PTBP2: variants seen among roughly 807,000 people sequenced by gnomAD.
The protein encoded by PTBP2 is polypyrimidine tract binding protein 2.
PTBP2 carries 13 observed loss-of-function variants against 61.4 expected under a neutral mutation model. The observed-to-expected ratio is 0.21, with a 90% confidence interval of 0.14 to 0.34. The LOEUF (loss-of-function observed/expected upper bound fraction) is 0.34. Among genes scored for constraint, PTBP2 ranks in the 10% least tolerant of loss-of-function variants. The pLI, the probability that PTBP2 is intolerant of heterozygous loss-of-function variation, is 1.00. For missense variants in PTBP2, 405 were observed against 642.6 expected (o/e 0.63, Z 4.00); for synonymous variants, 215 against 218.5 (o/e 0.98, Z 0.14).
At chr1:96,762,287 C>T (rs1391942129) in intron 3 of PTBP2, among the ~76,000 whole-genome samples, 3 of 149,514 alleles carry the variant, frequency 2.0e-5, no homozygotes, top group Non-Finnish European at 4.4e-5. Flanking sequence ...AGGGGCTCCT[C>T]ACTTCCCAGT....
intron 10 of PTBP2, 47 bp downstream of exon 10, chr1:96,806,499 T>C (rs1295329051): frequency 1.3e-6 from 2 of 1,558,060 alleles, no homozygotes; most frequent in South Asian, 2.2e-5. Flanking sequence ...TTGATTTTTG[T>C]TTCACCTTAA....
chr1:96,821,326 C>G (rs2101322473), exon 14 of PTBP2: 1 of 152,012 alleles, frequency 6.6e-6, no homozygotes, highest in Admixed American at 6.6e-5. Flanking sequence ...CCTCGACTTT[C>G]CATTTTTGTT....
chr1:96,791,296 C>T lies in PTBP2; in HGVS notation c.904+6042C>T, dbSNP rs111359410. 4.1e-3 allele frequency among the ~76,000 whole-genome samples: 619 copies of T among 152,288 alleles called. 6 individuals are homozygous for T. The highest frequency in any genetic ancestry group is 0.014 in the African/African-American group (585 of 41,564). ...TAATAGAGCAATACCCAAATGTTTT[C>T]TTAAAATATATGTAGGTGATGCCTG... On this transcript the variant is annotated intron_variant, in intron 8 of 13. Coordinates refer to ENST00000674951, the MANE Select transcript of PTBP2 (RefSeq NM_021190.4).
At chr1:96,778,331 T>C (rs891459505) in intron 7 of PTBP2, among the ~76,000 whole-genome samples, 2 of 152,038 alleles carry the variant, frequency 1.3e-5, no homozygotes, top group African/African-American at 4.8e-5. Flanking sequence ...CAGATGTGGC[T>C]CAAATGCTAT....
chr1:96,780,536 TCTTA>T (rs1658539963), intron 7 of PTBP2, among the ~76,000 whole-genome samples: 1 of 152,124 alleles, frequency 6.6e-6, no homozygotes, highest in Admixed American at 6.6e-5. Context: ...TTAGTCCTTG[TCTTA>T]CTTAATACCT....
At chr1:96,754,680 A>T (rs1434790285) in intron 3 of PTBP2, among the ~76,000 whole-genome samples, 1 of 152,212 alleles carries the variant, frequency 6.6e-6, no homozygotes, top group African/African-American at 2.4e-5. Flanking sequence ...GAGACAGAGC[A>T]GAGAGTTCAG....
At chr1:96,741,584 A>G (rs1298722836) in intron 2 of PTBP2, among the ~76,000 whole-genome samples, 3 of 150,490 alleles carry the variant, frequency 2.0e-5, no homozygotes, top group Non-Finnish European at 4.5e-5. Context: ...TACATGTCCT[A>G]CAGATAACTC....
intron 8 of PTBP2, among the ~76,000 whole-genome samples, chr1:96,790,350 G>A (rs1002754951): frequency 2.6e-5 from 4 of 151,444 alleles, no homozygotes; most frequent in African/African-American, 9.7e-5. Context: ...CCCACTTTTA[G>A]TGATTTTAAT....
intron 6 of PTBP2, 30 bp from the exon 7 acceptor site, chr1:96,777,806 A>G (rs760023612): frequency 1.3e-6 from 2 of 1,535,538 alleles, no homozygotes; most frequent in South Asian, 1.2e-5. Context: ...ATAGTAAATA[A>G]GTAATGTTTT....
At position 96,814,883 on chromosome 1, in the gene PTBP2, A is replaced by G. The variant is rs992812341; in HGVS notation, c.*1478A>G. On this transcript the variant is annotated 3_prime_UTR_variant, in exon 14 of 14. Transcript: ENST00000674951. ...TCAATAAACACTTCTGTAGCTCTAT[A>G]TTCACCTTTTCTGTCTTTCTCTGCT... The G allele has an allele frequency of 6.6e-6, 1 of 152,414 alleles. No homozygotes were observed. Among genetic ancestry groups the G allele is most frequent in the African/African-American group, 2.4e-5 (1 of 41,386 alleles). 9.4% of individuals were successfully genotyped at this position (152,414 alleles called of 1,614,324 possible). A position where few individuals can be genotyped will look rare whatever the true frequency, so the allele number is the denominator to read the frequency against.
chr1:96,763,512 A>C (rs1266002941), intron 3 of PTBP2, among the ~76,000 whole-genome samples: 1 of 146,062 alleles, frequency 6.8e-6, no homozygotes, highest in Admixed American at 6.8e-5. Context: ...GGTTGCAGTG[A>C]GTCGAGATGG....
At chr1:96,753,370 CTG>C (rs1654801406) in intron 3 of PTBP2, among the ~76,000 whole-genome samples, 2 of 152,050 alleles carry the variant, frequency 1.3e-5, no homozygotes, top group Non-Finnish European at 2.9e-5. Context: ...ATCTATAAGA[CTG>C]AGATAAAAAC....
At chr1:96,737,327 T>G (rs895822096) in intron 2 of PTBP2, among the ~76,000 whole-genome samples, 1 of 152,194 alleles carries the variant, frequency 6.6e-6, no homozygotes, top group Admixed American at 6.5e-5. Context: ...ATATTTATGG[T>G]TCATACTACG....
At chr1:96,802,211 G>GAGAA (rs1553187207) in intron 8 of PTBP2, among the ~76,000 whole-genome samples, 2 of 54,036 alleles carry the variant, frequency 3.7e-5, no homozygotes, top group African/African-American at 1.6e-4. Flanking sequence ...ACTCCGTCTC[G>GAGAA]AAAAAAAAAA....
At chr1:96,732,637 G>T (rs1240863446) in intron 2 of PTBP2, among the ~76,000 whole-genome samples, 1 of 152,164 alleles carries the variant, frequency 6.6e-6, no homozygotes. Context: ...GAGAAATAAG[G>T]ACTCAAGGTT....
intron 2 of PTBP2, among the ~76,000 whole-genome samples, chr1:96,746,909 CCCTCCCTTCCTTCCTTCCTTCCTT>C (rs1157445134): frequency 0.16 from 8,288 of 51,262 alleles, 614 homozygotes; most frequent in Middle Eastern, 0.31. Context: ...CTCCCTCCCT[CCCTCCCTTCCTTCCTTCCTTCCTT>C]CCTTCCTTCC....
At chr1:96,782,062 T>C (rs955371135) in intron 7 of PTBP2, among the ~76,000 whole-genome samples, 14 of 151,978 alleles carry the variant, frequency 9.2e-5, no homozygotes, top group African/African-American at 3.4e-4. Context: ...CACCTGGGAT[T>C]TAAAAATTGT....
chr1:96,735,868 G>T (rs1428088688), intron 2 of PTBP2, among the ~76,000 whole-genome samples: 1 of 152,104 alleles, frequency 6.6e-6, no homozygotes, highest in Non-Finnish European at 1.5e-5. Context: ...GAATTGGTGA[G>T]CTATATGAGT....
chr1:96,740,843 G>A (rs1652909886), intron 2 of PTBP2, among the ~76,000 whole-genome samples: 1 of 151,412 alleles, frequency 6.6e-6, no homozygotes, highest in African/African-American at 2.4e-5. Context: ...ATATCATCTT[G>A]ACAAATGAGT....
Sources: allele counts gnomAD v4.1 joint callset (sites outside exome capture counted in the v4.1 genomes callset), GRCh38; gene constraint gnomAD v4.1.1; transcripts MANE v1.5; gene names NCBI Gene and HGNC (gene_info 2026-07-23, HGNC 2026-07-21).